The following CCDC7 variants were observed in gnomAD, a reference collection of about 807,000 sequenced individuals.
CCDC7 encodes the protein coiled-coil domain containing 7.
A neutral mutation model predicts 196.9 loss-of-function variants in CCDC7; 183 were observed. That is an observed-to-expected ratio of 0.93 (90% CI 0.82 to 1.05). CCDC7 has a LOEUF of 1.05. CCDC7 is among the 50% of genes least tolerant of loss of function. The pLI, the probability that CCDC7 is intolerant of heterozygous loss-of-function variation, is 0.00. For synonymous variants in CCDC7, 525 were observed against 484.6 expected, an observed-to-expected ratio of 1.08 and a Z score of -1.10; for missense variants, 1,540 against 1,482.2, an observed-to-expected ratio of 1.04 and a Z score of -0.64.
At chr10:32,856,094 C>G (rs1333291271) in intron 41 of CCDC7, among the ~76,000 whole-genome samples, 3 of 152,070 alleles carry the variant, frequency 2.0e-5, no homozygotes, top group Non-Finnish European at 4.4e-5. Context: ...GACCGAAAAC[C>G]TAAAACTAAG....
chr10:32,674,587 G>T (rs533860381), intron 21 of CCDC7, among the ~76,000 whole-genome samples: 2 of 151,998 alleles, frequency 1.3e-5, no homozygotes, highest in African/African-American at 4.8e-5. Context: ...TCTTTAAATG[G>T]CTGTTAGGTC....
intron 28 of CCDC7, among the ~76,000 whole-genome samples, chr10:32,736,140 G>A (rs139171637): frequency 8.1e-4 from 123 of 151,990 alleles, no homozygotes; most frequent in Non-Finnish European, 1.5e-3. Context: ...AACTATTCTG[G>A]GTCTTTTGCC....
At chr10:32,807,979 A>C (rs535597296) in intron 30 of CCDC7, among the ~76,000 whole-genome samples, 5 of 152,062 alleles carry the variant, frequency 3.3e-5, no homozygotes, top group African/African-American at 1.2e-4. Flanking sequence ...GTAGAGCCCC[A>C]CTGACATCCC....
At chr10:32,514,370 G>T (rs150041231) in intron 9 of CCDC7, 9 of 152,186 alleles carry the variant, frequency 5.9e-5, no homozygotes. Flanking sequence ...GGAAAAGACA[G>T]ATAAACATGG....
chr10:32,591,074 T>C (rs1248730822), intron 18 of CCDC7, among the ~76,000 whole-genome samples: 1 of 152,074 alleles, frequency 6.6e-6, no homozygotes, highest in East Asian at 1.9e-4. Flanking sequence ...TTTTTACCCC[T>C]ATCTCCCTCT....
chr10:32,860,193 C>T (rs936140228), intron 41 of CCDC7, among the ~76,000 whole-genome samples: 2 of 152,126 alleles, frequency 1.3e-5, no homozygotes, highest in Admixed American at 6.5e-5. Context: ...AATCCAGCAG[C>T]GCATCAAAAA....
At chr10:32,797,753 C>G (rs1258723796) in intron 29 of CCDC7, among the ~76,000 whole-genome samples, 1 of 151,900 alleles carries the variant, frequency 6.6e-6, no homozygotes, top group Non-Finnish European at 1.5e-5. Context: ...GGTGCCACTT[C>G]CACCCCTTGA....
chr10:32,574,377 A>G, intron 16 of CCDC7: 1 of 1,441,996 alleles, frequency 6.9e-7, no homozygotes, highest in African/African-American at 1.5e-5. Context: ...TCAAACTATT[A>G]AGCACATGGC....
intron 8 of CCDC7, among the ~76,000 whole-genome samples, chr10:32,478,653 C>T (rs1402400113): frequency 6.6e-6 from 1 of 151,884 alleles, no homozygotes; most frequent in Non-Finnish European, 1.5e-5. Context: ...CTGGAATAAC[C>T]CATTTGGTTG....
intron 41 of CCDC7, among the ~76,000 whole-genome samples, chr10:32,863,516 C>T (rs931376683): frequency 7.9e-5 from 12 of 152,054 alleles, no homozygotes; most frequent in African/African-American, 2.9e-4. Context: ...CCACATTCAG[C>T]TATTTTTTTA....
At chr10:32,638,141 G>T (rs1200543776) in intron 20 of CCDC7, among the ~76,000 whole-genome samples, 1 of 152,124 alleles carries the variant, frequency 6.6e-6, no homozygotes, top group Non-Finnish European at 1.5e-5. Context: ...CTGAGACGAT[G>T]GGGTTTTCTA....
chr10:32,686,131 C>G, intron 22 of CCDC7, 51 bp downstream of exon 23: 1 of 935,816 alleles, frequency 1.1e-6, no homozygotes, highest in Non-Finnish European at 1.6e-6. Flanking sequence ...TTAGTCACAG[C>G]AAAGGTATTT....
chr10:32,873,546 T>C (rs2094503078), intron 41 of CCDC7, among the ~76,000 whole-genome samples: 2 of 152,038 alleles, frequency 1.3e-5, no homozygotes, highest in South Asian at 4.1e-4. Flanking sequence ...GTCAAAGTCA[T>C]TCTCTGTCCA....
chr10:32,650,214 T>C (rs574701528), intron 20 of CCDC7, among the ~76,000 whole-genome samples: 10 of 152,322 alleles, frequency 6.6e-5, no homozygotes, highest in African/African-American at 2.4e-4. Flanking sequence ...GGACTAAGGC[T>C]CTGTATAGGG....
chr10:32,726,459 G>A (rs1460052834), intron 25 of CCDC7, among the ~76,000 whole-genome samples: 2 of 151,958 alleles, frequency 1.3e-5, no homozygotes, highest in Non-Finnish European at 2.9e-5. Context: ...AACCTACAGT[G>A]TAAATAATCA....
chr10:32,635,539 C>A (rs2065489252), intron 20 of CCDC7, among the ~76,000 whole-genome samples: 1 of 152,076 alleles, frequency 6.6e-6, no homozygotes, highest in Admixed American at 6.6e-5. Flanking sequence ...AATCCCAGCA[C>A]TTTGGGAGGT....
chr10:32,728,930 AG>A lies in CCDC7; in HGVS notation c.2713del (p.Asp905IlefsTer14). 6.2e-7 allele frequency: 1 copy of A among 1,609,846 alleles called. No individual in the cohort carries two copies. The highest frequency in any genetic ancestry group is 8.5e-7 in the Non-Finnish European group (1 of 1,177,294). ...ATGAAAATGTGATTTCTGTTCATCA[AG>A]ATTCAAAGTCAAAACTCCAAATGCA... On this transcript the variant is annotated frameshift_variant, in exon 27 of 42. Coordinates refer to ENST00000639629, the Ensembl canonical transcript of CCDC7. LOFTEE classifies it high-confidence loss of function.
chr10:32,696,564 G>C (rs139031123), intron 24 of CCDC7, among the ~76,000 whole-genome samples: 1 of 152,032 alleles, frequency 6.6e-6, no homozygotes, highest in Non-Finnish European at 1.5e-5. Flanking sequence ...TAGAAGAGGA[G>C]AGCAGCATTT....
intron 41 of CCDC7, among the ~76,000 whole-genome samples, chr10:32,868,307 T>G (rs1284102659): frequency 1.3e-5 from 2 of 152,040 alleles, no homozygotes; most frequent in East Asian, 3.9e-4. Context: ...GTGGTAATTC[T>G]ATTGTTAATT....
Sources: allele counts gnomAD v4.1 joint callset (sites outside exome capture counted in the v4.1 genomes callset), GRCh38; gene constraint gnomAD v4.1.1; transcripts MANE v1.5; gene names NCBI Gene and HGNC (gene_info 2026-07-23, HGNC 2026-07-21).